CFAP92: variants seen among roughly 807,000 people sequenced by gnomAD.
CFAP92 encodes uncharacterized protein CFAP92.
In CFAP92, 86 loss-of-function variants were observed where a neutral mutation model predicts 106.3. The observed-to-expected ratio is 0.81, with a 90% CI of 0.68 to 0.97. The LOEUF (loss-of-function observed/expected upper bound fraction) is 0.97. CFAP92 is among the 50% of genes least tolerant of loss of function. The pLI, the probability that CFAP92 is intolerant of heterozygous loss-of-function variation, is 0.00. For synonymous variants in CFAP92, 477 were observed against 506.4 expected (o/e 0.94, Z 0.78); for missense variants, 1,204 against 1,283.8 (o/e 0.94, Z 0.95).
the CFAP92 span, among the ~76,000 whole-genome samples, chr3:129,017,190 A>G: frequency 6.6e-6 from 1 of 152,354 alleles, no homozygotes; most frequent in Non-Finnish European, 1.5e-5. Context: ...ATCTGAAGGA[A>G]GCTTCATGAT....
At chr3:128,979,100 T>C (rs1041695327) in intron 4 of CFAP92, among the ~76,000 whole-genome samples, 1 of 151,926 alleles carries the variant, frequency 6.6e-6, no homozygotes, top group Non-Finnish European at 1.5e-5. Context: ...CAAACAAATT[T>C]ACAAGAAAAA....
At position 128,945,616 on chromosome 3, in the gene CFAP92, A is replaced by C. The variant is rs1438403015; in HGVS notation, c.1713T>G (p.Ala571=). The change falls in exon 10 of 16, where the codon GCT becomes GCG. Residue 571 remains alanine (A), a synonymous_variant. Coordinates refer to ENST00000645291, the MANE Select transcript of CFAP92 (RefSeq NM_001394090.1). The part of the protein sequence containing the change: ...YPYGIAQVSF[A]DLLLGHKYLN... ...AGTACTTGTGGCCAAGGAGGAGGTC[A>C]GCAAAACTGACCTGGGCGATGCCAT... The C allele has an allele frequency of 2.6e-6, 4 of 1,536,066 alleles. No homozygotes were observed. In the African/African-American group the frequency reaches 5.5e-5, roughly 21 times the overall value.
At chr3:128,951,569 T>TATGA (rs1940809195) in intron 9 of CFAP92, among the ~76,000 whole-genome samples, 2 of 152,190 alleles carry the variant, frequency 1.3e-5, no homozygotes, top group South Asian at 4.1e-4. Context: ...CATGGGATCC[T>TATGA]GGGTCTTCTA....
At chr3:128,956,123 A>G (rs1941352755) in intron 9 of CFAP92, among the ~76,000 whole-genome samples, 5 of 110,154 alleles carry the variant, frequency 4.5e-5, no homozygotes, top group Non-Finnish European at 8.7e-5. Flanking sequence ...CTATTGTCCC[A>G]TGACCCTGCC....
upstream of CFAP92, among the ~76,000 whole-genome samples, chr3:128,996,642 C>A (rs778444482): frequency 6.6e-6 from 1 of 152,226 alleles, no homozygotes; most frequent in Middle Eastern, 3.2e-3. Flanking sequence ...TAAAAACCAT[C>A]CCCAAACTTA....
At chr3:128,936,505 G>A (rs1939038537) in intron 10 of CFAP92, among the ~76,000 whole-genome samples, 1 of 152,078 alleles carries the variant, frequency 6.6e-6, no homozygotes, top group Admixed American at 6.6e-5. Context: ...AAACAGAGTC[G>A]ACAGGCGGGG....
chr3:128,998,316 A>AT (rs1313745198), upstream of CFAP92, among the ~76,000 whole-genome samples: 1 of 152,258 alleles, frequency 6.6e-6, no homozygotes, highest in East Asian at 1.9e-4. Context: ...CCGATTCATC[A>AT]TTTTTTTCTT....
At chr3:128,929,030 G>T (rs1176731533) in intron 12 of CFAP92, among the ~76,000 whole-genome samples, 1 of 152,148 alleles carries the variant, frequency 6.6e-6, no homozygotes, top group Admixed American at 6.5e-5. Context: ...AGCCAACGTG[G>T]GAGGACTGCC....
In CFAP92 at chr3:128,915,535, T is replaced by C; in HGVS notation, c.2945A>G (p.Gln982Arg). 2 of 1,529,440 alleles carry C rather than the reference T, an allele frequency of 1.3e-6. No homozygotes were observed. Among genetic ancestry groups the C allele is most frequent in the East Asian group, 2.4e-5 (1 of 40,828 alleles). The allele number at this position is 1,529,440 out of a possible 1,614,324, so 94.7% of individuals were successfully genotyped here. Residue 982 changes from glutamine to arginine, a missense_variant, in exon 14 of 16, where the codon CAG (glutamine) becomes CGG (arginine). Transcript: ENST00000645291. ...CTCCACCATGGCTGAGAGGTAATCC[T>C]GTGAGTACGTGAATCTCTTTCTTGG... ...KEPRKRFTYS[Q>R]DYLSAMVEPL...
chr3:128,921,654 C>T (rs1232623138), intron 12 of CFAP92, among the ~76,000 whole-genome samples: 1 of 152,182 alleles, frequency 6.6e-6, no homozygotes, highest in Non-Finnish European at 1.5e-5. Context: ...TACCATCAAT[C>T]AACAGAAAAG....
chr3:128,938,127 G>T (rs1223323375), intron 10 of CFAP92, among the ~76,000 whole-genome samples: 1 of 151,830 alleles, frequency 6.6e-6, no homozygotes, highest in African/African-American at 2.4e-5. Flanking sequence ...AGCTACTTGA[G>T]AGGCTGAGGT....
At chr3:128,943,854 C>G (rs1329304557) in intron 10 of CFAP92, among the ~76,000 whole-genome samples, 1 of 150,128 alleles carries the variant, frequency 6.7e-6, no homozygotes, top group African/African-American at 2.5e-5. Flanking sequence ...CCTTTTATGG[C>G]TCAATTATTC....
rs151238313 is a variant in CFAP92, at chr3:128,971,387, A to C, written c.1068T>G (p.His356Gln). ...SEGRRKIQRR[H>Q]KKPLAEEEAD... ...CCTCTTCTTCTGCCAGGGGCTTCTT[A>C]TGTCTCCTCTGGATTTTCCTTCTTC... The change falls in exon 8 of 16, where the codon CAT (histidine) becomes CAG (glutamine). Residue 356 changes from histidine to glutamine, a missense_variant. Coordinates refer to ENST00000645291, the MANE Select transcript of CFAP92 (RefSeq NM_001394090.1). The C allele has an allele frequency of 6.8e-6, 11 of 1,613,224 alleles. No individual in the cohort carries two copies. Among genetic ancestry groups the C allele is most frequent in the Middle Eastern group, 3.3e-4 (2 of 6,062 alleles).
chr3:129,025,228 C>T, the CFAP92 span, among the ~76,000 whole-genome samples: 1 of 152,140 alleles, frequency 6.6e-6, no homozygotes. Flanking sequence ...CCTCCTAGAG[C>T]GAGTGCACAC....
chr3:128,927,584 C>T lies in CFAP92; in HGVS notation c.2751+5116G>A, dbSNP rs897895092. Among the ~76,000 whole-genome samples the T allele has an allele frequency of 4.0e-5, 6 of 151,650 alleles. No individual in the cohort carries two copies. The South Asian group carries it at 8.4e-4, about 21-fold the overall frequency. On this transcript the variant is annotated intron_variant, in intron 12 of 15. Transcript: ENST00000645291. Reference sequence around the variant, plus strand: ...AAAATACAAAACAAAATTAGCTGGGCGTGGTGGCGGGCGCCTGTAGTCCCA... The same window carrying T: ...AAAATACAAAACAAAATTAGCTGGGTGTGGTGGCGGGCGCCTGTAGTCCCA...
At chr3:128,995,397 A>G (rs2107831756), upstream of CFAP92, among the ~76,000 whole-genome samples, 1 of 152,124 alleles carries the variant, frequency 6.6e-6, no homozygotes, top group South Asian at 2.1e-4. Flanking sequence ...TCTTAGCACG[A>G]GAACGGCAAC....
Position 128,945,433 on chromosome 3 carries a change from G to C in CFAP92, c.1896C>G (p.Leu632=), listed in dbSNP as rs1219082868. The C allele has an allele frequency of 2.0e-6, 3 of 1,536,044 alleles. No individual in the cohort carries two copies. The South Asian group carries it at 3.6e-5, about 18-fold the overall frequency. ...GCACCGCGATGTCCACTCGCAACTT[G>C]AGCTGGGAGTCAGCCTCTAGGTAGT... ...RGNYLEADSQ[L]KLRVDIAVPL... The change falls in exon 10 of 16, where the codon CTC becomes CTG. Residue 632 remains leucine, a synonymous_variant. Coordinates refer to ENST00000645291, the MANE Select transcript of CFAP92 (RefSeq NM_001394090.1).
chr3:128,915,255 C>T lies in CFAP92; in HGVS notation c.3144G>A (p.Leu1048=), dbSNP rs1255557199. The change falls in exon 15 of 16, where the codon CTG becomes CTA. Residue 1048 remains leucine, a synonymous_variant. Coordinates refer to ENST00000645291, the MANE Select transcript of CFAP92 (RefSeq NM_001394090.1). Reference sequence around the variant, plus strand: ...ACACAGGCTCCAGTACATTAGCAAACAGGGAGTTTTCCTTCCACTCCTAAA... The same window carrying T: ...ACACAGGCTCCAGTACATTAGCAAATAGGGAGTTTTCCTTCCACTCCTAAA... ...ELNEEWKENS[L]FANVLEPVLD... 2.0e-6 allele frequency: 3 copies of T among 1,536,078 alleles called. No homozygotes were observed. The highest frequency in any genetic ancestry group is 1.4e-5 in the African/African-American group (1 of 73,056).
At chr3:128,931,262 C>T (rs1003675330) in intron 12 of CFAP92, among the ~76,000 whole-genome samples, 4 of 152,008 alleles carry the variant, frequency 2.6e-5, no homozygotes, top group Non-Finnish European at 4.4e-5. Context: ...TCTCAGCTCA[C>T]TGCAACCTGT....
Sources: gnomAD v4.1 joint callset for allele counts (sites outside exome capture counted in the v4.1 genomes callset) on GRCh38, gnomAD v4.1.1 for gene constraint, MANE v1.5 for transcripts, NCBI Gene and HGNC (gene_info 2026-07-23, HGNC 2026-07-21) for gene names.